The following SND1 variants were observed in gnomAD, a reference collection of about 807,000 sequenced individuals.
The protein encoded by SND1 is staphylococcal nuclease and tudor domain containing 1.
SND1 carries 38 observed loss-of-function variants against 121.7 expected under a neutral mutation model. The ratio of observed to expected loss-of-function variants is 0.31; its 90% CI spans 0.24 to 0.41. The LOEUF is 0.41. SND1 is among the 10% of genes least tolerant of loss of function. SND1 has a pLI of 1.00. For missense variants in SND1, 868 were observed against 1,184.6 expected, an observed-to-expected ratio of 0.73 and a Z score of 3.92; for synonymous variants, 401 against 447.4, an observed-to-expected ratio of 0.90 and a Z score of 1.31.
At chr7:127,998,676 A>G (rs1415727248) in intron 16 of SND1, 1 of 152,284 alleles carries the variant, frequency 6.6e-6, no homozygotes, top group Non-Finnish European at 1.5e-5. Context: ...CCTAGAGAGA[A>G]GAGAGGGCCC....
intron 15 of SND1, among the ~76,000 whole-genome samples, chr7:127,958,504 C>T (rs1018953407): frequency 1.3e-5 from 2 of 152,164 alleles, no homozygotes; most frequent in Non-Finnish European, 2.9e-5. Context: ...CTTTGCTCCA[C>T]CTTTCAGTGT....
At chr7:127,856,176 A>C (rs564421409) in intron 12 of SND1, among the ~76,000 whole-genome samples, 4 of 152,242 alleles carry the variant, frequency 2.6e-5, no homozygotes, top group African/African-American at 9.6e-5. Flanking sequence ...CAGGAAGCTT[A>C]ACACATATTT....
In SND1 at chr7:128,015,121, A is replaced by G. The variant is rs1289894139; in HGVS notation, c.1779+24065A>G. The stretch of plus-strand genomic sequence containing the variant: ...TCCCTCGCGCCTTCTGTCTGAGCCA[A>G]CCTTGATTCACAGTAGTGCAGATGG... On this transcript the variant is annotated intron_variant, in intron 16 of 23. Transcript: ENST00000354725. This position sits in a 1 kb window ranked among gnomAD's most constrained non-coding sequence, Gnocchi z 4.5. Among the ~76,000 whole-genome samples, 2 of 152,026 alleles carry G rather than the reference A, an allele frequency of 1.3e-5. No individual in the cohort carries two copies. The highest frequency in any genetic ancestry group is 2.9e-5 in the Non-Finnish European group (2 of 68,012).
At chr7:127,893,466 G>C (rs1399402210) in intron 13 of SND1, among the ~76,000 whole-genome samples, 5 of 152,124 alleles carry the variant, frequency 3.3e-5, no homozygotes, top group Non-Finnish European at 7.4e-5. Flanking sequence ...AGTTATGTTA[G>C]TTCAGAAGTT....
chr7:127,779,273 G>A (rs1231979266), intron 10 of SND1, among the ~76,000 whole-genome samples: 2 of 152,204 alleles, frequency 1.3e-5, no homozygotes, highest in Admixed American at 1.3e-4. Flanking sequence ...ACAGTGTGCT[G>A]TTGAACAGAA....
chr7:127,933,713 A>G (rs1800999007), intron 15 of SND1, among the ~76,000 whole-genome samples: 1 of 152,184 alleles, frequency 6.6e-6, no homozygotes, highest in Non-Finnish European at 1.5e-5. Context: ...TGTTTTTATA[A>G]CTAGAGTTTA....
In SND1 at chr7:128,029,615, C is replaced by T. The variant is rs762913252; in HGVS notation, c.1779+38559C>T. The T allele has an allele frequency of 6.2e-7, 1 of 1,614,036 alleles. No individual in the cohort carries two copies. Among genetic ancestry groups the T allele is most frequent in the Non-Finnish European group, 8.5e-7 (1 of 1,180,020 alleles). On this transcript the variant is annotated intron_variant, in intron 16 of 23. Transcript: ENST00000354725. The surrounding 1 kb of genome is among the most constrained non-coding windows in gnomAD (Gnocchi z 4.2). ...AGCACTGGAAGGAGGCCTGGTCCACCTCCACGAGGTAGCGGCCTCGCATGT... is the reference window on the plus strand; with the variant it reads ...AGCACTGGAAGGAGGCCTGGTCCACTTCCACGAGGTAGCGGCCTCGCATGT...
intron 15 of SND1, among the ~76,000 whole-genome samples, chr7:127,945,308 C>A (rs539451525): frequency 1.3e-5 from 2 of 152,020 alleles, no homozygotes; most frequent in African/African-American, 4.8e-5. Flanking sequence ...CTGGCTAACA[C>A]GGTGAAACCC....
intron 1 of SND1, among the ~76,000 whole-genome samples, chr7:127,658,890 A>G (rs1334419381): frequency 6.6e-6 from 1 of 152,252 alleles, no homozygotes; most frequent in African/African-American, 2.4e-5. Context: ...GTAACAAGGT[A>G]TCTAAGGCCT....
At chr7:127,773,584 A>G (rs908230308) in intron 10 of SND1, among the ~76,000 whole-genome samples, 1 of 151,998 alleles carries the variant, frequency 6.6e-6, no homozygotes, top group African/African-American at 2.4e-5. Context: ...TTTGTCAGCC[A>G]TTTTGAGGTT....
intron 10 of SND1, among the ~76,000 whole-genome samples, chr7:127,783,743 T>C (rs1205274817): frequency 2.0e-5 from 3 of 152,362 alleles, no homozygotes; most frequent in African/African-American, 7.2e-5. Context: ...AAGCACTTAT[T>C]GAGCACCTAC....
chr7:128,073,427 C>T (rs1793448329), intron 16 of SND1, among the ~76,000 whole-genome samples: 1 of 152,132 alleles, frequency 6.6e-6, no homozygotes, highest in Admixed American at 6.5e-5. Flanking sequence ...AGGGTCCTGC[C>T]TCTCGGGCCC....
chr7:127,809,046 C>G (rs1798289802), intron 11 of SND1, among the ~76,000 whole-genome samples: 1 of 152,184 alleles, frequency 6.6e-6, no homozygotes, highest in African/African-American at 2.4e-5. Context: ...TCTGTTTCAT[C>G]CCTGGGACCA....
chr7:127,739,663 G>T (rs1796840514), intron 10 of SND1, among the ~76,000 whole-genome samples: 1 of 152,214 alleles, frequency 6.6e-6, no homozygotes, highest in East Asian at 1.9e-4. Flanking sequence ...TCAGCATCCT[G>T]ACTCCTGATT....
At chr7:128,062,166 C>T (rs1016410001) in intron 16 of SND1, among the ~76,000 whole-genome samples, 6 of 152,234 alleles carry the variant, frequency 3.9e-5, no homozygotes, top group African/African-American at 1.2e-4. Context: ...TGCCTCCCTG[C>T]AATGGTGCTT....
chr7:128,023,457 C>T (rs1439095314), intron 16 of SND1, among the ~76,000 whole-genome samples: 6 of 152,198 alleles, frequency 3.9e-5, no homozygotes, highest in African/African-American at 1.4e-4. Context: ...TTCCCAAGGT[C>T]CCAGCCCTCA....
intron 13 of SND1, among the ~76,000 whole-genome samples, chr7:127,893,267 T>G (rs1160261317): frequency 6.6e-6 from 1 of 152,136 alleles, no homozygotes; most frequent in Non-Finnish European, 1.5e-5. Flanking sequence ...GTGGAGCTTT[T>G]GTTGAGCATG....
chr7:127,882,413 G>C (rs1799809243), intron 12 of SND1, among the ~76,000 whole-genome samples: 1 of 96,028 alleles, frequency 1.0e-5, no homozygotes, highest in Non-Finnish European at 2.1e-5. Flanking sequence ...GGACGGAGGA[G>C]AAAAGAGGAG....
At chr7:127,991,107 G>A in intron 16 of SND1, 51 bp downstream of exon 16, 3 of 1,345,270 alleles carry the variant, frequency 2.2e-6, no homozygotes, top group Non-Finnish European at 3.2e-6. Context: ...ACAAAATAAG[G>A]CTCCCTTGGT....
Sources: allele counts gnomAD v4.1 joint callset (sites outside exome capture counted in the v4.1 genomes callset), GRCh38; gene constraint gnomAD v4.1.1; non-coding constraint Gnocchi (gnomAD v3.1); transcripts MANE v1.5; gene names NCBI Gene and HGNC (gene_info 2026-07-23, HGNC 2026-07-21).